The following ACMSD variants were observed in gnomAD, a reference collection of about 807,000 sequenced individuals.
The protein encoded by ACMSD is 2-amino-3-carboxymuconate-6-semialdehyde decarboxylase.
A neutral mutation model predicts 45.9 loss-of-function variants in ACMSD; 37 were observed. That is an observed-to-expected ratio of 0.81 (90% CI 0.62 to 1.06). ACMSD has a LOEUF of 1.06. Among genes scored for constraint, ACMSD ranks in the 50% least tolerant of loss-of-function variants. The pLI is 0.00. For synonymous variants in ACMSD, 138 were observed against 148.8 expected (o/e 0.93, Z 0.53); for missense variants, 434 against 420.9 (o/e 1.03, Z -0.27).
At chr2:134,889,405 G>C (rs1482808528) in intron 8 of ACMSD, among the ~76,000 whole-genome samples, 1 of 152,134 alleles carries the variant, frequency 6.6e-6, no homozygotes, top group Non-Finnish European at 1.5e-5. Context: ...TTCCAAGACA[G>C]AGAAAGTATA....
At chr2:134,892,770 G>A (rs1689871972) in intron 8 of ACMSD, among the ~76,000 whole-genome samples, 1 of 152,152 alleles carries the variant, frequency 6.6e-6, no homozygotes, top group Admixed American at 6.5e-5. Flanking sequence ...CAAGGTGGGG[G>A]AGAGGCCAAG....
chr2:134,869,358 G>A (rs572415026), intron 6 of ACMSD, among the ~76,000 whole-genome samples: 102 of 152,086 alleles, frequency 6.7e-4, no homozygotes, highest in African/African-American at 2.2e-3. Context: ...GATTACAAGT[G>A]CACGCCACCA....
intron 8 of ACMSD, among the ~76,000 whole-genome samples, chr2:134,886,246 A>ATTATTATTT: frequency 8.7e-6 from 1 of 115,450 alleles, no homozygotes; most frequent in African/African-American, 3.6e-5. Context: ...TATTATTATT[A>ATTATTATTT]TTTTTTTTTT....
chr2:134,852,935 G>T (rs1475903165), intron 2 of ACMSD, among the ~76,000 whole-genome samples: 1 of 152,070 alleles, frequency 6.6e-6, no homozygotes, highest in African/African-American at 2.4e-5. Flanking sequence ...GGCTGAGGAG[G>T]GCAGATTACT....
chr2:134,866,921 C>G (rs1688125493), intron 5 of ACMSD, among the ~76,000 whole-genome samples: 1 of 152,212 alleles, frequency 6.6e-6, no homozygotes, highest in African/African-American at 2.4e-5. Flanking sequence ...TCATCTCACT[C>G]ACAGCCAACT....
At chr2:134,871,682 G>GACACACACAC (rs1170611331) in intron 7 of ACMSD, among the ~76,000 whole-genome samples, 3,211 of 138,954 alleles carry the variant, frequency 0.023, 106 homozygotes, top group African/African-American at 0.075. Context: ...TCAACAGACA[G>GACACACACAC]ACACACACAC....
chr2:134,884,900 A>G (rs1471577783), intron 8 of ACMSD, among the ~76,000 whole-genome samples: 1 of 152,076 alleles, frequency 6.6e-6, no homozygotes, highest in African/African-American at 2.4e-5. Flanking sequence ...AATATATTTA[A>G]TATTTCAGGC....
At chr2:134,870,425 T>C (rs1688371478) in intron 6 of ACMSD, among the ~76,000 whole-genome samples, 1 of 152,158 alleles carries the variant, frequency 6.6e-6, no homozygotes, top group African/African-American at 2.4e-5. Flanking sequence ...TGGCAGGAAC[T>C]CACCATTTTA....
At chr2:134,853,095 G>A (rs1023924880) in intron 2 of ACMSD, among the ~76,000 whole-genome samples, 3 of 150,814 alleles carry the variant, frequency 2.0e-5, no homozygotes, top group Admixed American at 6.6e-5. Flanking sequence ...CCCAGGAGGC[G>A]GAGATTGCAG....
At position 134,840,166 on chromosome 2, in the gene ACMSD, G is replaced by GAAAAAAAAA. The variant is rs1559034706; in HGVS notation, c.57+1427_57+1428insAAAAAAAAA. On this transcript the variant is annotated intron_variant, in intron 1 of 9. Coordinates refer to ENST00000356140, the MANE Select transcript of ACMSD (RefSeq NM_138326.3). ...TTAAAATAGCCATAAACTATACCTA[G>GAAAAAAAAA]CAAAAAAAAAAAAAAAAAAAAAAAA... 5.6e-3 allele frequency among the ~76,000 whole-genome samples: 67 copies of GAAAAAAAAA among 12,048 alleles called. 2 individuals are homozygous for GAAAAAAAAA. Among genetic ancestry groups the GAAAAAAAAA allele is most frequent in the African/African-American group, 0.023 (62 of 2,706 alleles). 7.9% of individuals were successfully genotyped at this position (12,048 alleles called of 152,430 possible).
chr2:134,885,311 A>AT (rs1214024385), intron 8 of ACMSD, among the ~76,000 whole-genome samples: 1 of 101,592 alleles, frequency 9.8e-6, no homozygotes, highest in Non-Finnish European at 1.8e-5. Context: ...ATTTAAATAT[A>AT]TATATATAAA....
chr2:134,840,045 C>T (rs1686710758), intron 1 of ACMSD, among the ~76,000 whole-genome samples: 1 of 151,612 alleles, frequency 6.6e-6, no homozygotes, highest in Admixed American at 6.6e-5. Context: ...ATGCAATGAA[C>T]ACATTGACTA....
chr2:134,849,228 C>T lies in ACMSD; in HGVS notation c.102+3951C>T, dbSNP rs76319416. On this transcript the variant is annotated intron_variant, in intron 2 of 9. Transcript: ENST00000356140. The stretch of plus-strand genomic sequence containing the variant: ...TTCATAAACTTAGTAGCCAAATCTC[C>T]AAAATAAAACAAAAAGGAAATATTT... Among the ~76,000 whole-genome samples the T allele has an allele frequency of 1.4e-3, 216 of 150,668 alleles. 5 individuals are homozygous for T. In the East Asian group the frequency reaches 0.038, roughly 27 times the overall value.
At chr2:134,839,493 C>A (rs1686685288) in intron 1 of ACMSD, among the ~76,000 whole-genome samples, 1 of 152,146 alleles carries the variant, frequency 6.6e-6, no homozygotes, top group African/African-American at 2.4e-5. Context: ...GGCTTAATAT[C>A]AGGTTTTACC....
At chr2:134,840,776 T>C (rs868490915) in intron 1 of ACMSD, among the ~76,000 whole-genome samples, 3 of 152,180 alleles carry the variant, frequency 2.0e-5, no homozygotes, top group African/African-American at 7.2e-5. Context: ...TTTATTTTTA[T>C]TTCCATAGGC....
chr2:134,869,514 A>G (rs899052791), intron 6 of ACMSD, among the ~76,000 whole-genome samples: 4 of 152,128 alleles, frequency 2.6e-5, no homozygotes, highest in African/African-American at 9.7e-5. Flanking sequence ...CACCCAGCCC[A>G]CAAACTTATT....
chr2:134,867,848 C>A, intron 6 of ACMSD, 176 bp downstream of exon 6: 1 of 387,298 alleles, frequency 2.6e-6, no homozygotes, highest in Non-Finnish European at 4.6e-6. Flanking sequence ...TATATATAAC[C>A]TCATTTAATT....
intron 4 of ACMSD, chr2:134,863,075 T>C: frequency 7.1e-6 from 7 of 983,388 alleles, no homozygotes; most frequent in Non-Finnish European, 7.2e-6. Flanking sequence ...ATTAAGATCT[T>C]TCTGCAGTTG....
At chr2:134,838,851 A>C in intron 1 of ACMSD, 112 bp downstream of exon 1, 1 of 718,864 alleles carries the variant, frequency 1.4e-6, no homozygotes, top group Non-Finnish European at 2.3e-6. Context: ...GTGGGGGGCG[A>C]GGGGGTTAAA....
Sources: gnomAD v4.1 joint callset for allele counts (sites outside exome capture counted in the v4.1 genomes callset) on GRCh38, gnomAD v4.1.1 for gene constraint, MANE v1.5 for transcripts, NCBI Gene and HGNC (gene_info 2026-07-23, HGNC 2026-07-21) for gene names.